STIMATE: variants seen among roughly 807,000 people sequenced by gnomAD.
STIMATE encodes store-operated calcium entry regulator STIMATE.
STIMATE carries 15 observed loss-of-function variants against 36.7 expected under a neutral mutation model. That is an observed-to-expected ratio of 0.41 (90% confidence interval 0.27 to 0.63). The LOEUF (loss-of-function observed/expected upper bound fraction) is 0.63. STIMATE is among the 20% of genes least tolerant of loss of function. The pLI, the probability that STIMATE is intolerant of heterozygous loss-of-function variation, is 0.32. For synonymous variants in STIMATE, 163 were observed against 162.3 expected, an observed-to-expected ratio of 1.00 and a Z score of -0.03; for missense variants, 305 against 397.3, an observed-to-expected ratio of 0.77 and a Z score of 1.98.
intron 7 of STIMATE, 90 bp from the exon 8 acceptor site, chr3:52,840,700 G>GTTT (rs71901519): frequency 2.8e-4 from 221 of 797,406 alleles, no homozygotes; most frequent in Middle Eastern, 8.5e-4. Context: ...CAAGTCTCAT[G>GTTT]TTTTTTTTTT....
At chr3:52,859,332 TTATG>T (rs1701165583) in intron 1 of STIMATE, among the ~76,000 whole-genome samples, 1 of 149,872 alleles carries the variant, frequency 6.7e-6, no homozygotes, top group Admixed American at 6.6e-5. Flanking sequence ...TATGCTGGTA[TTATG>T]TATTATTTTT....
intron 1 of STIMATE, among the ~76,000 whole-genome samples, chr3:52,873,178 T>C (rs61274383): frequency 0.03 from 4,581 of 152,306 alleles, 231 homozygotes; most frequent in African/African-American, 0.1. Flanking sequence ...ACAGGCCTCC[T>C]TGAAACCACT....
intron 1 of STIMATE, among the ~76,000 whole-genome samples, chr3:52,879,056 T>G (rs905652969): frequency 2.1e-4 from 32 of 152,340 alleles, no homozygotes; most frequent in African/African-American, 7.2e-4. Flanking sequence ...AGAGAATTAA[T>G]AAGCATGCTA....
intron 4 of STIMATE, chr3:52,848,189 A>G (rs989582844): frequency 6.6e-6 from 1 of 152,528 alleles, no homozygotes; most frequent in African/African-American, 2.4e-5. Flanking sequence ...CTGAGCAGAC[A>G]AGCTATCCTT....
intron 4 of STIMATE, among the ~76,000 whole-genome samples, chr3:52,845,324 C>G (rs1007854169): frequency 1.3e-5 from 2 of 152,210 alleles, no homozygotes; most frequent in Non-Finnish European, 2.9e-5. Flanking sequence ...CCAGTGACAG[C>G]GGGGCTGCCC....
intron 2 of STIMATE, among the ~76,000 whole-genome samples, chr3:52,853,049 A>G (rs1271019209): frequency 6.6e-6 from 1 of 152,218 alleles, no homozygotes; most frequent in Non-Finnish European, 1.5e-5. Flanking sequence ...GAGCTAAATT[A>G]TGTGTGAAAT....
intron 1 of STIMATE, among the ~76,000 whole-genome samples, chr3:52,874,047 C>G (rs1383442141): frequency 6.6e-6 from 1 of 152,210 alleles, no homozygotes; most frequent in East Asian, 1.9e-4. Context: ...TGTTTATAAA[C>G]TGTGACTCAG....
intron 1 of STIMATE, among the ~76,000 whole-genome samples, chr3:52,889,050 TATGGCACAAA>T (rs1441784553): frequency 6.6e-6 from 1 of 152,112 alleles, no homozygotes; most frequent in Admixed American, 6.5e-5. Flanking sequence ...GGAACCTGCT[TATGGCACAAA>T]ATGGCCCTTA....
At chr3:52,895,860 G>A (rs1701856244) in intron 1 of STIMATE, 3 of 1,283,806 alleles carry the variant, frequency 2.3e-6, no homozygotes, top group African/African-American at 3.0e-5. Context: ...AGTAGGAGGG[G>A]TATGAAGATC....
intron 1 of STIMATE, among the ~76,000 whole-genome samples, chr3:52,896,357 C>T (rs780962033): frequency 5.9e-5 from 9 of 152,156 alleles, no homozygotes; most frequent in South Asian, 4.1e-4. Context: ...TATAACCTTT[C>T]CTTCCCCCTA....
chr3:52,850,156 C>A (rs1056181301), intron 3 of STIMATE, among the ~76,000 whole-genome samples: 1 of 152,176 alleles, frequency 6.6e-6, no homozygotes, highest in Admixed American at 6.5e-5. Context: ...GTGCTGGCTG[C>A]GCGCGGTGGC....
intron 1 of STIMATE, among the ~76,000 whole-genome samples, chr3:52,860,627 G>A (rs1701201918): frequency 6.6e-6 from 1 of 152,146 alleles, no homozygotes; most frequent in Non-Finnish European, 1.5e-5. Flanking sequence ...TGGCAGCAGG[G>A]AGCCCACTAG....
At chr3:52,871,844 C>A (rs1440916253) in intron 1 of STIMATE, among the ~76,000 whole-genome samples, 1 of 152,116 alleles carries the variant, frequency 6.6e-6, no homozygotes. Flanking sequence ...CAAACACAAC[C>A]CCCCCATGCC....
At chr3:52,861,340 A>G (rs1168648308) in intron 1 of STIMATE, among the ~76,000 whole-genome samples, 3 of 152,138 alleles carry the variant, frequency 2.0e-5, no homozygotes, top group Non-Finnish European at 2.9e-5. Context: ...TGCTTCTGTG[A>G]TGAGATGCAC....
At chr3:52,892,041 G>T (rs1701791908) in intron 1 of STIMATE, among the ~76,000 whole-genome samples, 2 of 152,330 alleles carry the variant, frequency 1.3e-5, no homozygotes, top group East Asian at 3.9e-4. Flanking sequence ...CATGGATGCT[G>T]GGTCAGGCTG....
At chr3:52,855,838 A>G (rs1701082973) in intron 1 of STIMATE, among the ~76,000 whole-genome samples, 1 of 152,206 alleles carries the variant, frequency 6.6e-6, no homozygotes, top group Admixed American at 6.5e-5. Flanking sequence ...GCCTACTCCA[A>G]CCCAGGCACT....
At chr3:52,840,957 C>T (rs1301690496) in intron 7 of STIMATE, among the ~76,000 whole-genome samples, 8 of 152,176 alleles carry the variant, frequency 5.3e-5, no homozygotes, top group Non-Finnish European at 8.8e-5. Context: ...CCACCTGCTT[C>T]GGACTCCCAA....
intron 1 of STIMATE, among the ~76,000 whole-genome samples, chr3:52,867,263 T>C (rs1207192845): frequency 6.6e-6 from 1 of 152,194 alleles, no homozygotes; most frequent in African/African-American, 2.4e-5. Flanking sequence ...AGCAGGAGGA[T>C]CATCACAGGC....
Position 52,897,390 on chromosome 3 carries a change from C to T in STIMATE, c.61G>A (p.Ala21Thr). The change falls in exon 1 of 8, where the codon GCG becomes ACG. Residue 21 changes from alanine to threonine, a missense_variant. Around this residue, in one of 3 missense-constraint regions of STIMATE, gnomAD observed 57 missense variants for 57.1 expected, o/e 1.00. Coordinates refer to ENST00000355083, the MANE Select transcript of STIMATE (RefSeq NM_198563.5). ...CTCTCGCAGCGGCCCGCCCCGGACG[C>T]GACTGTGGAGGGCGGCCCGCCTGGC... The part of the protein sequence containing the change: ...GLPGGPPSTV[A>T]SGAGRCESGA... The T allele has an allele frequency of 6.6e-7, 1 of 1,509,526 alleles. No individual in the cohort carries two copies. The highest frequency in any genetic ancestry group is 8.8e-7 in the Non-Finnish European group (1 of 1,135,334). The allele number at this position is 1,509,526 out of a possible 1,614,324, so 93.5% of individuals were successfully genotyped here.
Sources: gnomAD v4.1 joint callset for allele counts (sites outside exome capture counted in the v4.1 genomes callset) on GRCh38, gnomAD v4.1.1 for gene constraint, gnomAD v4.1.1 regional missense constraint, MANE v1.5 for transcripts, NCBI Gene and HGNC (gene_info 2026-07-23, HGNC 2026-07-21) for gene names.